MATN2: variants seen among roughly 807,000 people sequenced by gnomAD.
MATN2 encodes matrilin-2.
MATN2 carries 69 observed loss-of-function variants against 103.2 expected under a neutral mutation model. The observed-to-expected ratio is 0.67, with a 90% CI of 0.55 to 0.82. MATN2 has a LOEUF of 0.82. Among genes scored for constraint, MATN2 ranks in the 40% least tolerant of loss-of-function variants. The pLI is 0.00. For missense variants in MATN2, 1,023 were observed against 1,211.5 expected, an observed-to-expected ratio of 0.84 and a Z score of 2.31; for synonymous variants, 429 against 450.2, an observed-to-expected ratio of 0.95 and a Z score of 0.60.
intron 14 of MATN2, among the ~76,000 whole-genome samples, chr8:98,028,226 A>G (rs1028215317): frequency 1.3e-5 from 2 of 152,200 alleles, no homozygotes; most frequent in Non-Finnish European, 2.9e-5. Flanking sequence ...TTTACTGTGT[A>G]TATTTATTCT....
intron 4 of MATN2, chr8:97,951,012 G>C (rs1172887608): frequency 6.6e-6 from 1 of 152,306 alleles, no homozygotes; most frequent in Non-Finnish European, 1.5e-5. Flanking sequence ...CACAGTCAGA[G>C]GGTGGGTCAA....
intron 5 of MATN2, among the ~76,000 whole-genome samples, chr8:97,968,605 C>A (rs1449933458): frequency 6.6e-6 from 1 of 152,226 alleles, no homozygotes; most frequent in Non-Finnish European, 1.5e-5. Flanking sequence ...ATGAACACAA[C>A]CCAGCTAAGA....
chr8:98,003,001 C>G (rs774071579), intron 7 of MATN2, among the ~76,000 whole-genome samples: 4 of 152,108 alleles, frequency 2.6e-5, no homozygotes, highest in Non-Finnish European at 5.9e-5. Flanking sequence ...AGCCTCATCT[C>G]TCTCCTCACA....
chr8:97,899,747 G>A (rs768165598), intron 2 of MATN2, among the ~76,000 whole-genome samples: 4 of 152,134 alleles, frequency 2.6e-5, no homozygotes, highest in East Asian at 3.9e-4. Flanking sequence ...CATATGAATC[G>A]CGGGCAGGGA....
intron 3 of MATN2, among the ~76,000 whole-genome samples, chr8:97,935,767 C>T (rs1810352378): frequency 6.6e-6 from 1 of 152,252 alleles, no homozygotes; most frequent in South Asian, 2.1e-4. Context: ...GGACTACAGA[C>T]ATGAGCCACT....
At chr8:97,962,255 G>T (rs1482729720) in intron 5 of MATN2, among the ~76,000 whole-genome samples, 1 of 152,184 alleles carries the variant, frequency 6.6e-6, no homozygotes, top group African/African-American at 2.4e-5. Flanking sequence ...AGAAGGAAAA[G>T]AACTTGACTG....
chr8:97,939,352 T>A (rs1186818440), intron 3 of MATN2, among the ~76,000 whole-genome samples: 1 of 152,008 alleles, frequency 6.6e-6, no homozygotes, highest in Non-Finnish European at 1.5e-5. Context: ...GCAAAATCAC[T>A]TACAGAAAGC....
intron 6 of MATN2, among the ~76,000 whole-genome samples, chr8:97,992,402 A>T (rs1175999554): frequency 6.6e-6 from 1 of 152,194 alleles, no homozygotes; most frequent in Non-Finnish European, 1.5e-5. Flanking sequence ...TATTGTTTAT[A>T]AAGACTCCCA....
chr8:97,901,778 C>T (rs1004230921), intron 2 of MATN2, among the ~76,000 whole-genome samples: 1 of 152,156 alleles, frequency 6.6e-6, no homozygotes, highest in African/African-American at 2.4e-5. Context: ...AAAATAAGTC[C>T]TTAAAGAGAT....
At chr8:97,949,835 T>G (rs988438477) in intron 4 of MATN2, among the ~76,000 whole-genome samples, 3 of 152,186 alleles carry the variant, frequency 2.0e-5, no homozygotes, top group Non-Finnish European at 4.4e-5. Flanking sequence ...AAGAATGCAC[T>G]ATTGAAACAT....
chr8:97,948,840 C>T (rs373382552), intron 4 of MATN2, among the ~76,000 whole-genome samples: 1 of 151,848 alleles, frequency 6.6e-6, no homozygotes, highest in South Asian at 2.1e-4. Context: ...CAAAAAGCTA[C>T]AAAACATAAA....
chr8:97,966,497 T>C (rs1811483963), intron 5 of MATN2, among the ~76,000 whole-genome samples: 3 of 151,852 alleles, frequency 2.0e-5, no homozygotes, highest in African/African-American at 7.3e-5. Flanking sequence ...GCCCAGGATG[T>C]TGAGACTATA....
chr8:97,974,836 C>CAT (rs1383848778), intron 5 of MATN2, among the ~76,000 whole-genome samples: 1 of 152,212 alleles, frequency 6.6e-6, no homozygotes, highest in African/African-American at 2.4e-5. Context: ...TTGACTCTAA[C>CAT]AATGGCTCTT....
At chr8:97,909,686 C>T (rs1335978519) in intron 2 of MATN2, among the ~76,000 whole-genome samples, 1 of 152,024 alleles carries the variant, frequency 6.6e-6, no homozygotes, top group African/African-American at 2.4e-5. Flanking sequence ...GAGATGAGAT[C>T]AGAGAAGTAA....
At position 97,886,712 on chromosome 8, in the gene MATN2, C is replaced by T. The variant is rs77858566; in HGVS notation, c.-26-1363C>T. 3.9e-3 allele frequency among the ~76,000 whole-genome samples: 594 copies of T among 152,158 alleles called. 18 individuals are homozygous for T. In the East Asian group the frequency reaches 0.064, roughly 16 times the overall value. ...GAAGCAATTTGCTGAACAAACAGTTCGCTGAAATAGTGAGGTTTTTTTTTA... is the reference window on the plus strand; with the variant it reads ...GAAGCAATTTGCTGAACAAACAGTTTGCTGAAATAGTGAGGTTTTTTTTTA... On this transcript the variant is annotated intron_variant, in intron 1 of 18. Transcript: ENST00000254898.
intron 10 of MATN2, among the ~76,000 whole-genome samples, chr8:98,015,918 T>G (rs1001341898): frequency 3.9e-5 from 6 of 152,174 alleles, no homozygotes; most frequent in African/African-American, 1.4e-4. Flanking sequence ...GTTACCTAAG[T>G]GTAATATATA....
At chr8:97,980,618 G>A (rs1811989552) in intron 6 of MATN2, among the ~76,000 whole-genome samples, 1 of 143,672 alleles carries the variant, frequency 7.0e-6, no homozygotes, top group Non-Finnish European at 1.5e-5. Flanking sequence ...AGGCTGGAGA[G>A]CAGTGATGTG....
At chr8:97,870,247 G>A (rs945550752) in intron 1 of MATN2, among the ~76,000 whole-genome samples, 2 of 152,142 alleles carry the variant, frequency 1.3e-5, no homozygotes, top group Admixed American at 6.5e-5. Flanking sequence ...GGCCGGGCAC[G>A]GTGGCTCAGG....
chr8:98,029,896 C>T (rs1351743206), intron 14 of MATN2, among the ~76,000 whole-genome samples: 2 of 152,110 alleles, frequency 1.3e-5, no homozygotes, highest in African/African-American at 4.8e-5. Context: ...TAAGGCTGAT[C>T]TTGGGTTTGT....
Sources: gnomAD v4.1 joint callset for allele counts (sites outside exome capture counted in the v4.1 genomes callset) on GRCh38, gnomAD v4.1.1 for gene constraint, MANE v1.5 for transcripts, NCBI Gene and HGNC (gene_info 2026-07-23, HGNC 2026-07-21) for gene names.